The following DYM variants were observed in gnomAD, a reference collection of about 807,000 sequenced individuals.
The protein encoded by DYM is dymeclin, also known as dyggve-Melchior-Clausen syndrome protein.
In DYM, 78 loss-of-function variants were observed where a neutral mutation model predicts 93.1. The ratio of observed to expected loss-of-function variants is 0.84; its 90% CI spans 0.70 to 1.01. DYM has a LOEUF of 1.01. Ranked by LOEUF, DYM falls within the 50% of genes least tolerant of loss-of-function variation. DYM has a pLI of 0.00. For missense variants in DYM, 789 were observed against 845.0 expected (o/e 0.93, Z 0.82); for synonymous variants, 321 against 319.7 (o/e 1.00, Z -0.04).
chr18:49,210,399 C>T (rs2092724726), intron 13 of DYM, among the ~76,000 whole-genome samples: 1 of 152,106 alleles, frequency 6.6e-6, no homozygotes, highest in African/African-American at 2.4e-5. Flanking sequence ...GCTATGAAGT[C>T]ATGAAAAGAC....
chr18:49,316,488 T>C (rs1216807625), intron 8 of DYM, among the ~76,000 whole-genome samples: 3 of 152,214 alleles, frequency 2.0e-5, no homozygotes, highest in East Asian at 3.9e-4. Flanking sequence ...TTTACTGCAA[T>C]GATACTTACG....
intron 14 of DYM, among the ~76,000 whole-genome samples, chr18:49,171,421 G>C (rs1401873423): frequency 6.6e-6 from 1 of 152,024 alleles, no homozygotes; most frequent in Non-Finnish European, 1.5e-5. Flanking sequence ...AGAAGTAACT[G>C]AACTCCACAA....
At chr18:49,130,877 A>G (rs953620839) in intron 15 of DYM, among the ~76,000 whole-genome samples, 3 of 152,296 alleles carry the variant, frequency 2.0e-5, no homozygotes, top group Middle Eastern at 3.4e-3. Context: ...AGGAGGACAT[A>G]GACAAATAGT....
At chr18:49,186,906 C>T (rs1600446999) in intron 14 of DYM, among the ~76,000 whole-genome samples, 2 of 150,152 alleles carry the variant, frequency 1.3e-5, no homozygotes, top group South Asian at 2.1e-4. Context: ...TATTCACTGC[C>T]GGTACACAAT....
chr18:49,214,769 T>A (rs1321022415), intron 13 of DYM, among the ~76,000 whole-genome samples: 1 of 152,178 alleles, frequency 6.6e-6, no homozygotes, highest in Non-Finnish European at 1.5e-5. Flanking sequence ...CATAACTGAA[T>A]AAAATATTTC....
chr18:49,270,188 A>C (rs576760561), intron 11 of DYM, among the ~76,000 whole-genome samples: 2 of 152,234 alleles, frequency 1.3e-5, no homozygotes. Context: ...GCCTAAGGAC[A>C]CATTTCTCAC....
At chr18:49,086,876 G>A (rs550874151) in intron 17 of DYM, among the ~76,000 whole-genome samples, 13 of 152,008 alleles carry the variant, frequency 8.6e-5, no homozygotes, top group African/African-American at 2.7e-4. Context: ...TAATCCCAGC[G>A]ACTCGGGAGA....
At chr18:49,174,397 GC>G (rs1293942444) in intron 14 of DYM, among the ~76,000 whole-genome samples, 2 of 152,070 alleles carry the variant, frequency 1.3e-5, no homozygotes, top group African/African-American at 2.4e-5. Context: ...AAATTAACTT[GC>G]CAAGGACTAT....
At chr18:49,046,095 C>T (rs2071469696) in intron 17 of DYM, among the ~76,000 whole-genome samples, 2 of 151,944 alleles carry the variant, frequency 1.3e-5, no homozygotes, top group South Asian at 4.1e-4. Flanking sequence ...CACACACACA[C>T]ACACACCCAC....
intron 1 of DYM, among the ~76,000 whole-genome samples, chr18:49,455,763 C>A (rs1458549334): frequency 2.0e-5 from 3 of 151,922 alleles, no homozygotes; most frequent in Non-Finnish European, 4.4e-5. Flanking sequence ...ACAGCCTGGG[C>A]AAAATGGTGA....
chr18:49,259,743 T>C (rs1568122151), intron 11 of DYM, among the ~76,000 whole-genome samples: 2 of 152,212 alleles, frequency 1.3e-5, no homozygotes, highest in African/African-American at 2.4e-5. Flanking sequence ...AGATTTGTTT[T>C]AAAAAATAGA....
intron 17 of DYM, among the ~76,000 whole-genome samples, chr18:49,044,541 C>T (rs1159916298): frequency 6.6e-6 from 1 of 152,242 alleles, no homozygotes; most frequent in Non-Finnish European, 1.5e-5. Flanking sequence ...GCAGACAAGG[C>T]TCAGGCTGAT....
At chr18:49,297,269 GAACA>G (rs2060622781) in intron 8 of DYM, among the ~76,000 whole-genome samples, 2 of 152,122 alleles carry the variant, frequency 1.3e-5, no homozygotes, top group Admixed American at 6.5e-5. Flanking sequence ...TCATAAAAAT[GAACA>G]AACTATGCTT....
intron 9 of DYM, among the ~76,000 whole-genome samples, chr18:49,285,491 C>T (rs769268456): frequency 3.9e-5 from 6 of 152,328 alleles, no homozygotes; most frequent in East Asian, 1.9e-4. Context: ...TATAATACCA[C>T]GTTTTTATTG....
intron 17 of DYM, among the ~76,000 whole-genome samples, chr18:49,051,732 G>A (rs992066621): frequency 2.6e-5 from 4 of 152,220 alleles, no homozygotes; most frequent in South Asian, 2.1e-4. Flanking sequence ...TGGCCTGGGA[G>A]CTCCCAGCTA....
chr18:49,243,960 A>G (rs889899463), intron 13 of DYM, among the ~76,000 whole-genome samples: 8 of 152,220 alleles, frequency 5.3e-5, no homozygotes, highest in African/African-American at 1.9e-4. Flanking sequence ...ACGCTTCAAT[A>G]TAATCTTCAT....
intron 1 of DYM, among the ~76,000 whole-genome samples, chr18:49,443,578 C>T (rs1251782918): frequency 6.6e-6 from 1 of 152,102 alleles, no homozygotes; most frequent in Non-Finnish European, 1.5e-5. Context: ...CGAAGCTGTG[C>T]CAGCAAAATA....
chr18:49,201,746 T>TA (rs1362237124), intron 14 of DYM, among the ~76,000 whole-genome samples: 4 of 152,264 alleles, frequency 2.6e-5, no homozygotes, highest in Admixed American at 2.6e-4. Flanking sequence ...CCTACTCTGC[T>TA]AATAGCACAT....
intron 15 of DYM, among the ~76,000 whole-genome samples, chr18:49,132,790 T>G (rs548207985): frequency 6.6e-6 from 1 of 152,290 alleles, no homozygotes; most frequent in South Asian, 2.1e-4. Context: ...GGAAATCTAT[T>G]GATGTACTCA....
Sources: allele counts gnomAD v4.1 joint callset (sites outside exome capture counted in the v4.1 genomes callset), GRCh38; gene constraint gnomAD v4.1.1; transcripts MANE v1.5; gene names NCBI Gene and HGNC (gene_info 2026-07-23, HGNC 2026-07-21).